Variants in HCN1 observed in about 807,000 individuals in gnomAD.
HCN1 encodes potassium/sodium hyperpolarization-activated cyclic nucleotide-gated channel 1.
Under a neutral mutation model 78.9 loss-of-function variants are expected in HCN1, and 13 were observed. The ratio of observed to expected loss-of-function variants is 0.16; its 90% CI spans 0.11 to 0.26. The LOEUF (loss-of-function observed/expected upper bound fraction) is 0.26. HCN1 is among the 10% of genes least tolerant of loss of function. HCN1 has a pLI of 1.00. For missense variants in HCN1, 810 were observed against 1,154.3 expected, an observed-to-expected ratio of 0.70 and a Z score of 4.32; for synonymous variants, 552 against 455.5, an observed-to-expected ratio of 1.21 and a Z score of -2.70.
chr5:45,299,306 G>A (rs943511649), intron 6 of HCN1, among the ~76,000 whole-genome samples: 1 of 152,008 alleles, frequency 6.6e-6, no homozygotes, highest in Non-Finnish European at 1.5e-5. Context: ...GGAATTATCT[G>A]TATGATCTTT....
intron 6 of HCN1, among the ~76,000 whole-genome samples, chr5:45,297,376 AC>A (rs1462866945): frequency 1.3e-5 from 2 of 152,052 alleles, no homozygotes; most frequent in African/African-American, 4.8e-5. Flanking sequence ...GCCATTATGA[AC>A]ATGTTACAGT....
chr5:45,384,961 CT>C (rs1747883250), intron 4 of HCN1, among the ~76,000 whole-genome samples: 1 of 151,984 alleles, frequency 6.6e-6, no homozygotes, highest in African/African-American at 2.4e-5. Context: ...AAAAGTCTTC[CT>C]TTTTTCCAGA....
intron 3 of HCN1, among the ~76,000 whole-genome samples, chr5:45,414,242 T>A (rs1289738359): frequency 6.6e-6 from 1 of 151,934 alleles, no homozygotes; most frequent in Non-Finnish European, 1.5e-5. Flanking sequence ...TCCAATACCA[T>A]CTTAGTTATT....
At chr5:45,472,117 T>C (rs985041529) in intron 2 of HCN1, among the ~76,000 whole-genome samples, 16 of 151,918 alleles carry the variant, frequency 1.1e-4, no homozygotes, top group Admixed American at 3.9e-4. Context: ...GTTCTGTAGG[T>C]ATTCCAAGCT....
chr5:45,586,439 A>T (rs1744227841), intron 2 of HCN1, among the ~76,000 whole-genome samples: 2 of 152,126 alleles, frequency 1.3e-5, no homozygotes, highest in African/African-American at 2.4e-5. Flanking sequence ...TTCTGTGACT[A>T]GGAAAGGGAA....
intron 5 of HCN1, among the ~76,000 whole-genome samples, chr5:45,316,329 T>C (rs1180855536): frequency 2.0e-5 from 3 of 152,150 alleles, no homozygotes; most frequent in East Asian, 3.9e-4. Context: ...ATTATCTCAA[T>C]AGATGCAGAA....
At chr5:45,610,718 C>T (rs530101600) in intron 2 of HCN1, among the ~76,000 whole-genome samples, 30 of 150,690 alleles carry the variant, frequency 2.0e-4, no homozygotes, top group African/African-American at 5.3e-4. Flanking sequence ...TAGTGGAGAA[C>T]GAAGAAAATA....
intron 3 of HCN1, among the ~76,000 whole-genome samples, chr5:45,457,870 C>T (rs1029178172): frequency 6.6e-6 from 1 of 152,146 alleles, no homozygotes; most frequent in Admixed American, 6.6e-5. Context: ...GGTCAGTCTG[C>T]TCTTTATGTA....
intron 2 of HCN1, among the ~76,000 whole-genome samples, chr5:45,569,690 C>T (rs996471375): frequency 6.6e-5 from 10 of 152,014 alleles, no homozygotes; most frequent in Admixed American, 2.6e-4. Context: ...AAAATTCAAA[C>T]ATCCATTTTT....
intron 3 of HCN1, among the ~76,000 whole-genome samples, chr5:45,446,068 C>T (rs1740787694): frequency 6.6e-6 from 1 of 152,182 alleles, no homozygotes; most frequent in South Asian, 2.1e-4. Flanking sequence ...GAGAATAAGG[C>T]TTCAGATGAT....
In HCN1 at chr5:45,696,076, C is replaced by A; in HGVS notation, c.18G>T (p.Lys6Asn). The change falls in exon 1 of 8, where the codon AAG becomes AAT. Residue 6 changes from lysine to asparagine, a missense_variant. By Grantham distance (94) the Lys-to-Asn change is moderately conservative. Transcript: ENST00000303230. MEGGG[K>N]PNSSSNSRDD... ...CCCGGCTGTTAGACGAAGAGTTGGGCTTGCCGCCTCCTTCCATGCCCGGAG... is the reference window on the plus strand; with the variant it reads ...CCCGGCTGTTAGACGAAGAGTTGGGATTGCCGCCTCCTTCCATGCCCGGAG... 7.4e-7 allele frequency: 1 copy of A among 1,352,720 alleles called. No individual in the cohort carries two copies. The allele number at this position is 1,352,720 out of a possible 1,614,324, so 83.8% of individuals were successfully genotyped here. A position where few individuals can be genotyped will look rare whatever the true frequency, so the allele number is the denominator to read the frequency against.
chr5:45,332,636 C>T (rs1481221203), intron 5 of HCN1, among the ~76,000 whole-genome samples: 1 of 151,546 alleles, frequency 6.6e-6, no homozygotes, highest in East Asian at 2.0e-4. Context: ...CATTACCCTC[C>T]CACTATCTTT....
chr5:45,376,710 G>A (rs1208745851), intron 4 of HCN1, among the ~76,000 whole-genome samples: 1 of 151,864 alleles, frequency 6.6e-6, no homozygotes, highest in African/African-American at 2.4e-5. Context: ...TTCACTGGCA[G>A]GAAATAACAT....
chr5:45,623,207 G>A (rs1745102584), intron 2 of HCN1, among the ~76,000 whole-genome samples: 1 of 152,060 alleles, frequency 6.6e-6, no homozygotes, highest in East Asian at 1.9e-4. Flanking sequence ...TAAATTGTAG[G>A]ATCCATAAGA....
intron 1 of HCN1, among the ~76,000 whole-genome samples, chr5:45,647,556 C>T (rs547062535): frequency 1.3e-5 from 2 of 152,034 alleles, no homozygotes; most frequent in Admixed American, 6.6e-5. Context: ...CTTATCCATG[C>T]CTTTAATAAT....
intron 2 of HCN1, among the ~76,000 whole-genome samples, chr5:45,541,684 T>G (rs1481007529): frequency 2.6e-5 from 4 of 152,210 alleles, no homozygotes; most frequent in African/African-American, 9.6e-5. Context: ...TCAAATATTT[T>G]CTTTTACAAA....
chr5:45,444,414 A>C (rs1380568040), intron 3 of HCN1, among the ~76,000 whole-genome samples: 49 of 152,204 alleles, frequency 3.2e-4, no homozygotes, highest in Non-Finnish European at 2.9e-5. Flanking sequence ...ATTTGGCACC[A>C]AAATTCAACT....
At chr5:45,394,761 A>C (rs1362130262) in intron 4 of HCN1, among the ~76,000 whole-genome samples, 1 of 152,202 alleles carries the variant, frequency 6.6e-6, no homozygotes, top group African/African-American at 2.4e-5. Context: ...GGTTGTAGTG[A>C]GCTGAGATTG....
chr5:45,504,648 A>T (rs1323099273), intron 2 of HCN1, among the ~76,000 whole-genome samples: 2 of 152,100 alleles, frequency 1.3e-5, no homozygotes, highest in Non-Finnish European at 2.9e-5. Flanking sequence ...TGGTATTTCT[A>T]GTTCTAGATC....
Sources: allele counts gnomAD v4.1 joint callset (sites outside exome capture counted in the v4.1 genomes callset), GRCh38; gene constraint gnomAD v4.1.1; transcripts MANE v1.5; gene names NCBI Gene and HGNC (gene_info 2026-07-23, HGNC 2026-07-21).